Variants in EMILIN2 observed in about 807,000 individuals in gnomAD.
EMILIN2 encodes the protein elastin microfibril interfacer 2.
EMILIN2 carries 71 observed loss-of-function variants against 87.1 expected under a neutral mutation model. The ratio of observed to expected loss-of-function variants is 0.82; its 90% CI spans 0.67 to 0.99. The LOEUF (loss-of-function observed/expected upper bound fraction) is 0.99. EMILIN2 is among the 50% of genes least tolerant of loss of function. The pLI is 0.00. For missense variants in EMILIN2, 1,407 were observed against 1,371.8 expected, an observed-to-expected ratio of 1.03 and a Z score of -0.40; for synonymous variants, 581 against 563.4, an observed-to-expected ratio of 1.03 and a Z score of -0.44.
chr18:2,909,693 G>A lies in EMILIN2; in HGVS notation c.2698G>A (p.Ala900Thr), dbSNP rs368361438. Reference protein sequence around the residue: ...PKSPPVASPGAPVPSLVSFSA... With the variant: ...PKSPPVASPGTPVPSLVSFSA... ...ATTCCATCCTTTCTCTGCTCCAGGA[G>A]CTCCGGTGCCTTCTCTGGTGTCTTT... is the stretch of plus-strand genomic sequence containing the variant. The change falls in exon 7 of 8, where the codon GCT becomes ACT. Residue 900 changes from alanine (A) to threonine (T), a missense_variant and splice_region_variant. By Grantham distance (58) the Ala-to-Thr change is moderately conservative. Coordinates refer to ENST00000254528, the MANE Select transcript of EMILIN2 (RefSeq NM_032048.3). 6.2e-7 allele frequency: 1 copy of A among 1,613,802 alleles called. No individual in the cohort carries two copies. Among genetic ancestry groups the A allele is most frequent in the Non-Finnish European group, 8.5e-7 (1 of 1,179,794 alleles).
chr18:2,889,692 C>CTTTTTTTTTTTTTTTTTTTTTTT (rs34248672), intron 3 of EMILIN2, among the ~76,000 whole-genome samples: 24 of 96,616 alleles, frequency 2.5e-4, no homozygotes, highest in Non-Finnish European at 3.4e-4. Flanking sequence ...TTTTTCTTTT[C>CTTTTTTTTTTTTTTTTTTTTTTT]TTTTTTTTTT....
chr18:2,913,092 G>A lies in EMILIN2; in HGVS notation c.2850G>A (p.Gly950=). 2.5e-6 allele frequency: 4 copies of A among 1,611,248 alleles called. No individual in the cohort carries two copies. The highest frequency in any genetic ancestry group is 2.5e-6 in the Non-Finnish European group (3 of 1,179,998). ...STGVFTAPYD[G]RYLITATLTP... is the part of the protein sequence containing the mutation. Reference sequence around the variant, plus strand: ...GGGTCTTCACGGCTCCTTATGATGGGCGCTACCTGATCACGGCCACCCTCA... The same window carrying A: ...GGGTCTTCACGGCTCCTTATGATGGACGCTACCTGATCACGGCCACCCTCA... Residue 950 remains glycine (G), a synonymous_variant, in exon 8 of 8, where the codon GGG becomes GGA. Transcript: ENST00000254528.
At chr18:2,904,713 C>T (rs1318878404) in intron 4 of EMILIN2, among the ~76,000 whole-genome samples, 2 of 152,116 alleles carry the variant, frequency 1.3e-5, no homozygotes, top group Non-Finnish European at 2.9e-5. Flanking sequence ...CTTTAGAGTT[C>T]CTTTTCTTTA....
intron 2 of EMILIN2, among the ~76,000 whole-genome samples, chr18:2,858,967 T>C (rs1250886463): frequency 6.6e-6 from 1 of 152,192 alleles, no homozygotes; most frequent in East Asian, 1.9e-4. Flanking sequence ...CACTTGTTGA[T>C]TGATGCACAT....
chr18:2,906,546 G>A, intron 4 of EMILIN2: 1 of 360,350 alleles, frequency 2.8e-6, no homozygotes, highest in Non-Finnish European at 5.0e-6. Flanking sequence ...CTGCGCCGGA[G>A]AGGCTGGAAA....
intron 2 of EMILIN2, among the ~76,000 whole-genome samples, chr18:2,875,426 A>G (rs1039461837): frequency 1.3e-5 from 2 of 152,214 alleles, no homozygotes; most frequent in African/African-American, 4.8e-5. Flanking sequence ...ATGAGGAAAC[A>G]TGATGTCTGT....
rs768758944 is a variant in EMILIN2 at position 2,885,083 on chromosome 18, T to C, written c.377T>C (p.Val126Ala). ...GDCQEGPKDP[V>A]KTLRPTPARP... ...TGCCAAGAAGGTCCCAAAGACCCCG[T>C]GAAGACCCTCCGCCCCACGCCGGCT... The change falls in exon 3 of 8, where the codon GTG becomes GCG. Residue 126 changes from valine to alanine, a missense_variant. Transcript: ENST00000254528. The C allele has an allele frequency of 5.6e-6, 9 of 1,613,752 alleles. No individual in the cohort carries two copies. Among genetic ancestry groups the C allele is most frequent in the Non-Finnish European group, 7.6e-6 (9 of 1,179,938 alleles).
intron 2 of EMILIN2, among the ~76,000 whole-genome samples, chr18:2,861,552 G>A (rs532300459): frequency 6.6e-6 from 1 of 152,274 alleles, no homozygotes; most frequent in East Asian, 1.9e-4. Flanking sequence ...TAGATATGCA[G>A]CATTATTTCT....
At position 2,891,033 on chromosome 18, in the gene EMILIN2, G is replaced by A. The variant is rs911449840; in HGVS notation, c.906G>A (p.Gln302=). 1.2e-6 allele frequency: 2 copies of A among 1,614,102 alleles called. No homozygotes were observed. The highest frequency in any genetic ancestry group is 1.7e-6 in the Non-Finnish European group (2 of 1,180,054). The part of the protein sequence containing the change: ...GQLRQLQEAA[Q]GPTVTMTTNE... ...TCAGACAGCTCCAGGAAGCAGCTCA[G>A]GGCCCGACGGTGACCATGACAACCA... is the stretch of plus-strand genomic sequence containing the variant. Residue 302 remains glutamine, a synonymous_variant, in exon 4 of 8, where the codon CAG becomes CAA. Transcript: ENST00000254528. The surrounding 1 kb of genome is among the most constrained non-coding windows in gnomAD (Gnocchi z 4.6).
chr18:2,852,456 G>A (rs1392698131), intron 2 of EMILIN2, among the ~76,000 whole-genome samples: 1 of 152,212 alleles, frequency 6.6e-6, no homozygotes, highest in Non-Finnish European at 1.5e-5. Context: ...TCCAGAAAAA[G>A]AATTTAAAGC....
At chr18:2,893,825 T>C (rs539011305) in intron 4 of EMILIN2, among the ~76,000 whole-genome samples, 3 of 152,254 alleles carry the variant, frequency 2.0e-5, no homozygotes, top group African/African-American at 7.2e-5. Flanking sequence ...ATGTGGCTGT[T>C]CAGTGGGGGA....
intron 2 of EMILIN2, among the ~76,000 whole-genome samples, chr18:2,857,355 T>C (rs1598485190): frequency 6.6e-6 from 1 of 152,218 alleles, no homozygotes; most frequent in East Asian, 1.9e-4. Context: ...GGTTATGTTT[T>C]ACAGAGATTT....
At position 2,914,283 on chromosome 18, in the gene EMILIN2, G is replaced by A. The variant is rs989994334; in HGVS notation, c.*879G>A. 17 of 152,202 alleles carry A rather than the reference G, an allele frequency of 1.1e-4. No homozygotes were observed. The highest frequency in any genetic ancestry group is 3.9e-4 in the African/African-American group (16 of 41,450). The allele number at this position is 152,202 out of a possible 1,614,324, so 9.4% of individuals were successfully genotyped here. Reference sequence around the variant, plus strand: ...GAAGACGGACCAGATGTGCACGGAGGTCAAGGCCCCATGTCATCTGCAGCT... The same window carrying A: ...GAAGACGGACCAGATGTGCACGGAGATCAAGGCCCCATGTCATCTGCAGCT... On this transcript the variant is annotated 3_prime_UTR_variant, in exon 8 of 8. Coordinates refer to ENST00000254528, the MANE Select transcript of EMILIN2 (RefSeq NM_032048.3).
At chr18:2,875,703 T>G (rs1020443572) in intron 2 of EMILIN2, among the ~76,000 whole-genome samples, 57 of 152,128 alleles carry the variant, frequency 3.7e-4, no homozygotes, top group African/African-American at 1.3e-3. Context: ...CAGCCTGCAG[T>G]TGGAGATGAT....
rs1361457043 is a variant in EMILIN2, at chr18:2,889,714, T to A, written c.434-847T>A. 3.7e-5 allele frequency among the ~76,000 whole-genome samples: 5 copies of A among 135,768 alleles called. No individual in the cohort carries two copies. In the East Asian group the frequency reaches 8.1e-4, roughly 22 times the overall value. The allele number at this position is 135,768 out of a possible 152,430, so 89.1% of individuals were successfully genotyped here. On this transcript the variant is annotated intron_variant, in intron 3 of 7. Coordinates refer to ENST00000254528, the MANE Select transcript of EMILIN2 (RefSeq NM_032048.3). ...TTTCTTTTTTTTTTTTTTTTTTTTT[T>A]AAAGATACAGGGTCTTGCTATATTG...
chr18:2,892,039 G>A lies in EMILIN2; in HGVS notation c.1912G>A (p.Ala638Thr), dbSNP rs761690413. The change falls in exon 4 of 8, where the codon GCT (alanine) becomes ACT (threonine). Residue 638 changes from alanine to threonine, a missense_variant. Physicochemically the swap from Ala to Thr is moderately conservative, Grantham distance 58 (BLOSUM62 0). Coordinates refer to ENST00000254528, the MANE Select transcript of EMILIN2 (RefSeq NM_032048.3). ...GAGCAATTGTAGAGCAGGTGAAAAC[G>A]CTGGCATGGGTAGGTTCACTAAGGT... ...EMSNCRAGEN[A>T]GMGRFTKVGE... The A allele has an allele frequency of 1.5e-5, 24 of 1,614,096 alleles. No individual in the cohort carries two copies. The highest frequency in any genetic ancestry group is 2.7e-5 in the African/African-American group (2 of 74,916).
intron 2 of EMILIN2, among the ~76,000 whole-genome samples, chr18:2,855,787 A>C (rs145127849): frequency 1.4e-3 from 212 of 152,288 alleles, no homozygotes; most frequent in Non-Finnish European, 2.5e-3. Context: ...TCTACATGAC[A>C]GGGTTGTGGG....
chr18:2,879,674 A>AC (rs918176625), intron 2 of EMILIN2, among the ~76,000 whole-genome samples: 96 of 145,996 alleles, frequency 6.6e-4, no homozygotes, highest in Middle Eastern at 3.5e-3. Flanking sequence ...TGCCCCCAAC[A>AC]CCCCCCCCAA....
intron 2 of EMILIN2, among the ~76,000 whole-genome samples, chr18:2,857,423 T>G (rs1487419156): frequency 6.6e-6 from 1 of 152,202 alleles, no homozygotes; most frequent in Non-Finnish European, 1.5e-5. Flanking sequence ...TGAAGTGGTT[T>G]CCCTACATCT....
Sources: allele counts gnomAD v4.1 joint callset (sites outside exome capture counted in the v4.1 genomes callset), GRCh38; gene constraint gnomAD v4.1.1; non-coding constraint Gnocchi (gnomAD v3.1); transcripts MANE v1.5; gene names NCBI Gene and HGNC (gene_info 2026-07-23, HGNC 2026-07-21).